IQCM: variants seen among roughly 807,000 people sequenced by gnomAD.
IQCM encodes the protein IQ motif containing M.
IQCM carries 45 observed loss-of-function variants against 57.6 expected under a neutral mutation model. The observed-to-expected ratio is 0.78, with a 90% CI of 0.62 to 1.00. IQCM has a LOEUF of 1.00. Among genes scored for constraint, IQCM ranks in the 50% least tolerant of loss-of-function variants. The probability of loss-of-function intolerance (pLI) is 0.00; values close to 1 mark genes in which losing one functional copy is unlikely to be tolerated. For synonymous variants in IQCM, 148 were observed against 158.9 expected (o/e 0.93, Z 0.51); for missense variants, 468 against 511.6 (o/e 0.91, Z 0.82).
intron 9 of IQCM, among the ~76,000 whole-genome samples, chr4:149,580,520 T>A (rs554308564): frequency 1.3e-5 from 2 of 151,968 alleles, no homozygotes; most frequent in East Asian, 3.9e-4. Context: ...TTGCTTTTTC[T>A]TACTATATTG....
At chr4:149,479,153 C>T (rs1278156955) in intron 12 of IQCM, among the ~76,000 whole-genome samples, 2 of 152,126 alleles carry the variant, frequency 1.3e-5, no homozygotes, top group Non-Finnish European at 2.9e-5. Context: ...TATAGGATAG[C>T]ACAGTAATTC....
rs975969558 is a variant in IQCM at position 149,355,871 on chromosome 4, G to T, written c.1391-3805C>A. On this transcript the variant is annotated intron_variant, in intron 13 of 13. Coordinates refer to ENST00000636793, the MANE Select transcript of IQCM (RefSeq NM_001363507.2). Reference sequence around the variant, plus strand: ...TTACAGTCCCACCAACAGTGTAAAAGTGTTCTTATTTCTCCACATCCTCTC... The same window carrying T: ...TTACAGTCCCACCAACAGTGTAAAATTGTTCTTATTTCTCCACATCCTCTC... Among the ~76,000 whole-genome samples the T allele has an allele frequency of 2.0e-5, 3 of 151,998 alleles. No homozygotes were observed. In the South Asian group the frequency reaches 6.2e-4, roughly 32 times the overall value.
rs571403146 is a variant in IQCM at position 149,658,738 on chromosome 4, G to C, written c.565+23380C>G. 4.6e-5 allele frequency among the ~76,000 whole-genome samples: 7 copies of C among 151,994 alleles called. No homozygotes were observed. In the East Asian group the frequency reaches 1.2e-3, roughly 25 times the overall value. On this transcript the variant is annotated intron_variant, in intron 7 of 13. Coordinates refer to ENST00000636793, the MANE Select transcript of IQCM (RefSeq NM_001363507.2). ...TTCTAGGTATCTTAATTTTTTTATA[G>C]CTATCATGGAATTGTTTCCTTGAGT...
chr4:149,392,751 C>T (rs1423099359), intron 13 of IQCM, among the ~76,000 whole-genome samples: 7 of 151,892 alleles, frequency 4.6e-5, no homozygotes, highest in African/African-American at 1.7e-4. Context: ...CACAATGCTC[C>T]AGGAAAAAGG....
chr4:149,496,611 A>G (rs1742686098), intron 12 of IQCM, among the ~76,000 whole-genome samples: 1 of 152,122 alleles, frequency 6.6e-6, no homozygotes, highest in Non-Finnish European at 1.5e-5. Context: ...TAGATGAGGC[A>G]AGGAAATAGA....
chr4:149,412,873 C>T (rs1733486583), intron 13 of IQCM, among the ~76,000 whole-genome samples: 1 of 152,116 alleles, frequency 6.6e-6, no homozygotes, highest in South Asian at 2.1e-4. Context: ...TGTGCTAAGG[C>T]ATGCCCAGGG....
intron 9 of IQCM, among the ~76,000 whole-genome samples, chr4:149,577,773 T>C (rs1453640598): frequency 1.3e-5 from 2 of 151,954 alleles, no homozygotes; most frequent in Non-Finnish European, 1.5e-5. Flanking sequence ...AAAAATGATA[T>C]TGGTAGTTGA....
rs1231057741 is a variant in IQCM, at chr4:149,513,362, T to G, written c.1228+35093A>C. Among the ~76,000 whole-genome samples the G allele has an allele frequency of 5.9e-5, 9 of 152,094 alleles. No homozygotes were observed. The East Asian group carries it at 1.7e-3, about 29-fold the overall frequency. On this transcript the variant is annotated intron_variant, in intron 12 of 13. Transcript: ENST00000636793. ...AGCTTTAAGGCTATTTTTCACTTCC[T>G]TTAGAAAACAATACAAATATACAAA...
chr4:149,413,885 T>C (rs759303468), intron 13 of IQCM, among the ~76,000 whole-genome samples: 1 of 152,144 alleles, frequency 6.6e-6, no homozygotes, highest in African/African-American at 2.4e-5. Flanking sequence ...TTAAAATAAC[T>C]AAACATTTCA....
rs1031653580 is a variant in IQCM at position 149,484,622 on chromosome 4, T to A, written c.1229-51065A>T. Among the ~76,000 whole-genome samples the A allele has an allele frequency of 4.6e-5, 7 of 152,200 alleles. No homozygotes were observed. The South Asian group carries it at 6.2e-4, about 14-fold the overall frequency. On this transcript the variant is annotated intron_variant, in intron 12 of 13. Transcript: ENST00000636793. ...TACACTTTAATTTTGTCCCTTTTTT[T>A]AACTTTTGGCTGTTTTTCTTTATGT...
intron 13 of IQCM, among the ~76,000 whole-genome samples, chr4:149,361,440 A>T (rs1578793126): frequency 6.6e-6 from 1 of 152,166 alleles, no homozygotes; most frequent in Non-Finnish European, 1.5e-5. Flanking sequence ...AGCCCCTCCC[A>T]TCACAGGCCT....
intron 2 of IQCM, among the ~76,000 whole-genome samples, chr4:149,756,204 C>A (rs923096957): frequency 3.3e-5 from 5 of 152,062 alleles, no homozygotes; most frequent in Non-Finnish European, 7.4e-5. Context: ...ATGTATACCC[C>A]CCGCCGTGCC....
At chr4:149,599,502 C>T (rs921796709) in intron 8 of IQCM, among the ~76,000 whole-genome samples, 1 of 152,020 alleles carries the variant, frequency 6.6e-6, no homozygotes, top group African/African-American at 2.4e-5. Context: ...CAATGTTCTA[C>T]CCCTTAAGCT....
intron 3 of IQCM, among the ~76,000 whole-genome samples, chr4:149,741,515 T>G (rs1767453277): frequency 6.6e-6 from 1 of 152,130 alleles, no homozygotes; most frequent in African/African-American, 2.4e-5. Flanking sequence ...TTTCTGACCT[T>G]CCCATCTTTA....
rs1389235088 is a variant in IQCM, at chr4:149,625,607, AT to A, written c.566-4364del. ...AACTCAGCAAGGCTTATTTCTTCGG[AT>A]TTTTCTTGGCTTCCAGATATGGGGC... On this transcript the variant is annotated intron_variant, in intron 7 of 13. Transcript: ENST00000636793. 2.6e-5 allele frequency among the ~76,000 whole-genome samples: 4 copies of A among 152,178 alleles called. No individual in the cohort carries two copies. In the East Asian group the frequency reaches 7.8e-4, roughly 30 times the overall value.
intron 13 of IQCM, among the ~76,000 whole-genome samples, chr4:149,377,161 T>C (rs547933234): frequency 1.3e-5 from 2 of 152,282 alleles, no homozygotes; most frequent in African/African-American, 4.8e-5. Flanking sequence ...AGTATATTTT[T>C]AATATATTTT....
chr4:149,509,428 A>G (rs901944156), intron 12 of IQCM, among the ~76,000 whole-genome samples: 2 of 151,902 alleles, frequency 1.3e-5, no homozygotes, highest in Non-Finnish European at 2.9e-5. Flanking sequence ...ACAGGCATGC[A>G]CAATTATGCT....
chr4:149,707,222 C>T (rs6839177), intron 5 of IQCM, among the ~76,000 whole-genome samples: 35,707 of 152,040 alleles, frequency 0.23, 4,806 homozygotes, highest in Non-Finnish European at 0.28. Flanking sequence ...GAATGCTATG[C>T]TGCAGTGCCT....
chr4:149,743,167 C>A (rs905730082), intron 2 of IQCM, among the ~76,000 whole-genome samples: 2 of 152,138 alleles, frequency 1.3e-5, no homozygotes, highest in South Asian at 4.1e-4. Context: ...CTACTTTCAA[C>A]TAATATCCAG....
Sources: allele counts gnomAD v4.1 joint callset (sites outside exome capture counted in the v4.1 genomes callset), GRCh38; gene constraint gnomAD v4.1.1; transcripts MANE v1.5; gene names NCBI Gene and HGNC (gene_info 2026-07-23, HGNC 2026-07-21).